ANKRD44: variants seen among roughly 807,000 people sequenced by gnomAD.
ANKRD44 encodes the protein ankyrin repeat domain 44.
ANKRD44 carries 35 observed loss-of-function variants against 116.0 expected under a neutral mutation model. The observed-to-expected ratio is 0.30, with a 90% CI of 0.23 to 0.40. The LOEUF is 0.40. ANKRD44 is among the 10% of genes least tolerant of loss of function. The probability of loss-of-function intolerance (pLI) is 1.00; values close to 1 mark genes in which losing one functional copy is unlikely to be tolerated. For missense variants in ANKRD44, 1,014 were observed against 1,242.6 expected, an observed-to-expected ratio of 0.82 and a Z score of 2.77; for synonymous variants, 435 against 461.8, an observed-to-expected ratio of 0.94 and a Z score of 0.74.
At chr2:197,066,857 C>T (rs2077444406) in intron 16 of ANKRD44, among the ~76,000 whole-genome samples, 1 of 152,068 alleles carries the variant, frequency 6.6e-6, no homozygotes, top group Admixed American at 6.6e-5. Flanking sequence ...GGCCATAATG[C>T]CCAAGGTAAT....
At chr2:197,020,174 G>A (rs1322424563) in intron 17 of ANKRD44, among the ~76,000 whole-genome samples, 1 of 152,108 alleles carries the variant, frequency 6.6e-6, no homozygotes, top group East Asian at 1.9e-4. Flanking sequence ...GATAAAAGGA[G>A]TGCCTACATC....
chr2:196,996,686 C>T (rs555329173), intron 25 of ANKRD44, among the ~76,000 whole-genome samples: 36 of 152,046 alleles, frequency 2.4e-4, no homozygotes, highest in African/African-American at 7.7e-4. Flanking sequence ...GGGCGGATCA[C>T]GAGGTCAGGA....
chr2:196,995,820 T>G (rs7556679), intron 25 of ANKRD44, among the ~76,000 whole-genome samples: 1,870 of 152,300 alleles, frequency 0.012, 41 homozygotes, highest in African/African-American at 0.043. Context: ...ACATTTAGCA[T>G]ACATCAAAAG....
chr2:197,093,589 C>T (rs62279208), intron 10 of ANKRD44, among the ~76,000 whole-genome samples: 5,393 of 152,188 alleles, frequency 0.035, 132 homozygotes, highest in Middle Eastern at 0.051. Flanking sequence ...TTGGCATTTG[C>T]GCTTGCATAT....
intron 2 of ANKRD44, among the ~76,000 whole-genome samples, chr2:197,165,836 A>G (rs2080089889): frequency 6.6e-6 from 1 of 152,236 alleles, no homozygotes; most frequent in African/African-American, 2.4e-5. Context: ...TTTTAGTTCA[A>G]AATCATTTAT....
chr2:197,150,269 C>T (rs549229150), intron 2 of ANKRD44, among the ~76,000 whole-genome samples: 1 of 152,286 alleles, frequency 6.6e-6, no homozygotes, highest in East Asian at 1.9e-4. Flanking sequence ...TGAAAGTGGG[C>T]TGGGCACGGT....
At chr2:196,979,382 CAAAAAAAA>C (rs778459937) in intron 21 of ANKRD44, among the ~76,000 whole-genome samples, 1 of 40,572 alleles carries the variant, frequency 2.5e-5, no homozygotes, top group Admixed American at 2.9e-4. Flanking sequence ...GACTCCGTCT[CAAAAAAAA>C]AAAAAAAAAA....
At chr2:197,258,087 TTTTA>T (rs979551820) in intron 1 of ANKRD44, among the ~76,000 whole-genome samples, 3 of 151,862 alleles carry the variant, frequency 2.0e-5, no homozygotes, top group African/African-American at 7.3e-5. Context: ...TATTTTTTCT[TTTTA>T]TTTATTTATT....
intron 3 of ANKRD44, among the ~76,000 whole-genome samples, chr2:197,141,995 T>C (rs6728379): frequency 6.6e-6 from 1 of 152,214 alleles, no homozygotes; most frequent in Non-Finnish European, 1.5e-5. Context: ...ACAGTCTGCA[T>C]GTCTAATGAT....
intron 21 of ANKRD44, among the ~76,000 whole-genome samples, chr2:196,971,484 G>A (rs2075715545): frequency 3.9e-5 from 6 of 152,150 alleles, no homozygotes; most frequent in Non-Finnish European, 8.8e-5. Flanking sequence ...AGTCTCCTGA[G>A]TAGCTGGGAG....
intron 2 of ANKRD44, among the ~76,000 whole-genome samples, chr2:197,159,329 T>C (rs188835256): frequency 1.3e-5 from 2 of 152,342 alleles, no homozygotes; most frequent in African/African-American, 4.8e-5. Flanking sequence ...GCCGAAGATA[T>C]CAGATCAGCA....
At chr2:196,990,411 ACAT>A in intron 27 of ANKRD44, 1 of 1,111,198 alleles carries the variant, frequency 9.0e-7, no homozygotes, top group Non-Finnish European at 1.1e-6. Context: ...GGAATTAAAT[ACAT>A]CTTTTATTCT....
intron 3 of ANKRD44, 33 bp from the exon 4 acceptor site, chr2:197,136,695 T>C: frequency 6.2e-7 from 1 of 1,601,930 alleles, no homozygotes; most frequent in South Asian, 1.1e-5. Context: ...AGAGGCATAA[T>C]GGGGTCAAGG....
Position 197,201,322 on chromosome 2 carries a change from A to G in ANKRD44, c.28-14216T>C, listed in dbSNP as rs2081087346. 6.6e-6 allele frequency among the ~76,000 whole-genome samples: 1 copy of G among 152,200 alleles called. No individual in the cohort carries two copies. The highest frequency in any genetic ancestry group is 6.5e-5 in the Admixed American group (1 of 15,282). On this transcript the variant is annotated intron_variant, in intron 1 of 27. Transcript: ENST00000282272. The surrounding 1 kb of genome is among the most constrained non-coding windows in gnomAD (Gnocchi z 4.0). ...GAGTTACTGAGTTTTTAACAAGGAG[A>G]GTAAGTTACTGAGTTTAAATAAAAC...
Position 196,988,519 on chromosome 2 carries a change from A to G in ANKRD44, c.*1072T>C, listed in dbSNP as rs2075864713. ...TTGAACAAGTTCTCATTTGTGAAGA[A>G]CCCAACAGGAGTTTTAATTAAATCC... On this transcript the variant is annotated 3_prime_UTR_variant, in exon 28 of 28. Coordinates refer to ENST00000282272, the MANE Select transcript of ANKRD44 (RefSeq NM_001195144.2). 1 of 985,302 alleles carries G rather than the reference A, an allele frequency of 1.0e-6. No homozygotes were observed. Among genetic ancestry groups the G allele is most frequent in the Admixed American group, 6.1e-5 (1 of 16,264 alleles). 61.0% of individuals were successfully genotyped at this position (985,302 alleles called of 1,614,324 possible). A position where few individuals can be genotyped will look rare whatever the true frequency, so the allele number is the denominator to read the frequency against.
In ANKRD44 at chr2:196,999,045, G is replaced by C; in HGVS notation, c.2527C>G (p.Leu843Val). 1 of 1,613,578 alleles carries C rather than the reference G, an allele frequency of 6.2e-7. No individual in the cohort carries two copies. Among genetic ancestry groups the C allele is most frequent in the South Asian group, 1.1e-5 (1 of 90,974 alleles). Residue 843 changes from leucine to valine, a missense_variant, in exon 24 of 28, where the codon CTT becomes GTT. Coordinates refer to ENST00000282272, the MANE Select transcript of ANKRD44 (RefSeq NM_001195144.2). ...SCRDDKGRTP[L>V]HAAAFADHVE... is the part of the protein sequence containing the mutation. Reference sequence around the variant, plus strand: ...TGATCAGCAAATGCTGCCGCATGAAGGGGTGTCCTAAAGATTTAAAACAAG... The same window carrying C: ...TGATCAGCAAATGCTGCCGCATGAACGGGTGTCCTAAAGATTTAAAACAAG...
At chr2:197,149,968 G>A (rs750677094) in intron 2 of ANKRD44, among the ~76,000 whole-genome samples, 1 of 152,220 alleles carries the variant, frequency 6.6e-6, no homozygotes, top group Non-Finnish European at 1.5e-5. Flanking sequence ...CTAGCCCAAT[G>A]ACATCCTTAG....
chr2:197,160,462 CA>C (rs779081872), intron 2 of ANKRD44, among the ~76,000 whole-genome samples: 6 of 152,132 alleles, frequency 3.9e-5, no homozygotes, highest in Non-Finnish European at 7.4e-5. Flanking sequence ...CAGCCAATAG[CA>C]GTGCTTGCCT....
At chr2:197,129,273 A>G (rs1245124999) in intron 4 of ANKRD44, among the ~76,000 whole-genome samples, 1 of 151,926 alleles carries the variant, frequency 6.6e-6, no homozygotes, top group Non-Finnish European at 1.5e-5. Context: ...AGCTGGGATT[A>G]TAGGCATGCG....
Sources: allele counts gnomAD v4.1 joint callset (sites outside exome capture counted in the v4.1 genomes callset), GRCh38; gene constraint gnomAD v4.1.1; non-coding constraint Gnocchi (gnomAD v3.1); transcripts MANE v1.5; gene names NCBI Gene and HGNC (gene_info 2026-07-23, HGNC 2026-07-21).